EFNB1: variants seen among roughly 807,000 people sequenced by gnomAD.
EFNB1 encodes the protein ephrin-B1.
Under a neutral mutation model 18.1 loss-of-function variants are expected in EFNB1, and 1 was observed. That is an observed-to-expected ratio of 0.06 (90% CI 0.02 to 0.26). The LOEUF is 0.26. Among genes scored for constraint, EFNB1 ranks in the 10% least tolerant of loss-of-function variants. The pLI is 1.00. For synonymous variants in EFNB1, 131 were observed against 127.5 expected, an observed-to-expected ratio of 1.03 and a Z score of -0.19; for missense variants, 221 against 301.8, an observed-to-expected ratio of 0.73 and a Z score of 1.98.
intron 1 of EFNB1, among the ~76,000 whole-genome samples, chrX:68,832,436 T>G (rs935250686): frequency 1.8e-5 from 2 of 110,798 alleles, no homozygotes; most frequent in Non-Finnish European, 3.8e-5. Context: ...GTCTCTCTCC[T>G]CAGCCCTGTC....
intron 3 of EFNB1, 52 bp from the exon 4 acceptor site, chrX:68,839,908 C>T: frequency 8.3e-7 from 1 of 1,210,136 alleles, no homozygotes; most frequent in Admixed American, 2.2e-5. Context: ...TGACTGAGGG[C>T]ACCTATGCTG....
Position 68,840,488 on chromosome X carries a change from G to C in EFNB1, c.875G>C (p.Ser292Thr). 8.3e-7 allele frequency: 1 copy of C among 1,211,500 alleles called. No homozygotes were observed. The change falls in exon 5 of 5, where the codon AGT becomes ACT. Residue 292 changes from serine to threonine, a missense_variant. By Grantham distance (58) the Ser-to-Thr change is moderately conservative. Transcript: ENST00000204961. ...LSTLASPKGG[S>T]GTAGTEPSDI... Reference sequence around the variant, plus strand: ...ACCCTGGCCAGTCCCAAGGGGGGCAGTGGCACAGCGGGCACCGAGCCCAGC... The same window carrying C: ...ACCCTGGCCAGTCCCAAGGGGGGCACTGGCACAGCGGGCACCGAGCCCAGC...
At chrX:68,839,801 C>T (rs1395707771) in intron 3 of EFNB1, 45 bp downstream of exon 3, 1 of 1,186,721 alleles carries the variant, frequency 8.4e-7, no homozygotes, top group Admixed American at 2.3e-5. Context: ...CCTGTTTGAC[C>T]TTTGGAACAG....
In EFNB1 at chrX:68,840,352, G is replaced by A. The variant is rs1415919196; in HGVS notation, c.739G>A (p.Gly247Ser). The change falls in exon 5 of 5, where the codon GGT becomes AGT. Residue 247 changes from glycine to serine, a missense_variant. By Grantham distance (56) the Gly-to-Ser change is moderately conservative (BLOSUM62 0). Transcript: ENST00000204961. ...GGCATTGTTCGCGGCTGTCGGTGCC[G>A]GTTGCGTCATCTTCCTGCTCATCAT... ...KVALFAAVGAGCVIFLLIIIF... is the reference protein window; with the variant it reads ...KVALFAAVGASCVIFLLIIIF... The A allele has an allele frequency of 9.1e-6, 11 of 1,211,687 alleles. No homozygotes were observed. Among genetic ancestry groups the A allele is most frequent in the South Asian group, 1.8e-5 (1 of 56,952 alleles).
intron 1 of EFNB1, among the ~76,000 whole-genome samples, chrX:68,834,338 G>A (rs972443619): frequency 3.6e-5 from 4 of 112,471 alleles, no homozygotes; most frequent in Admixed American, 1.9e-4. Context: ...CATCGACATC[G>A]AGGAGGGGGG....
rs2080438525 is a variant in EFNB1, at chrX:68,829,636, CG to C, written c.-138del. 3.9e-6 allele frequency: 4 copies of C among 1,018,718 alleles called. No individual in the cohort carries two copies. Among genetic ancestry groups the C allele is most frequent in the Non-Finnish European group, 2.7e-6 (2 of 752,552 alleles). 84.0% of individuals were successfully genotyped at this position (1,018,718 alleles called of 1,213,427 possible). On this transcript the variant is annotated 5_prime_UTR_variant, in exon 1 of 5. Transcript: ENST00000204961. ...CGGAGAAGAGCGACACCGAAGCCGG[CG>C]GGAGGGGAGCACTTCAAGGCCGGCG...
At chrX:68,839,907 G>C (rs2080472243) in intron 3 of EFNB1, 53 bp from the exon 4 acceptor site, 2 of 1,208,458 alleles carry the variant, frequency 1.7e-6, no homozygotes, top group African/African-American at 3.5e-5. Context: ...ATGACTGAGG[G>C]CACCTATGCT....
intron 3 of EFNB1, 34 bp from the exon 4 acceptor site, chrX:68,839,926 C>T: frequency 8.3e-7 from 1 of 1,211,375 alleles, no homozygotes; most frequent in Non-Finnish European, 1.1e-6. Context: ...CTGGCCGGGT[C>T]CCTGCCTCTC....
intron 1 of EFNB1, among the ~76,000 whole-genome samples, chrX:68,838,131 A>ATGTGTGTGTG (rs1193927663): frequency 1.5e-3 from 82 of 55,537 alleles, no homozygotes; most frequent in East Asian, 0.012. Context: ...GTGTGTGTGT[A>ATGTGTGTGTG]TGTGTGTGTG....
At chrX:68,832,464 C>G (rs1169813658) in intron 1 of EFNB1, among the ~76,000 whole-genome samples, 2 of 111,213 alleles carry the variant, frequency 1.8e-5, no homozygotes, top group African/African-American at 6.6e-5. Flanking sequence ...GGCAACCCCC[C>G]TCCCAAAAAA....
Position 68,841,347 on chromosome X carries a change from T to TGCC in EFNB1, c.*694_*696dup, listed in dbSNP as rs2080478051. Reference sequence around the variant, plus strand: ...CTTATCCTGGCAATGGGGTAGTCACTGCCACCCTTCCACACACACACACAC... The same window carrying TGCC: ...CTTATCCTGGCAATGGGGTAGTCACTGCCGCCACCCTTCCACACACACACACAC... On this transcript the variant is annotated 3_prime_UTR_variant, in exon 5 of 5. Transcript: ENST00000204961. 1 of 93,270 alleles carries TGCC rather than the reference T, an allele frequency of 1.1e-5. No individual in the cohort carries two copies. The highest frequency in any genetic ancestry group is 2.1e-5 in the Non-Finnish European group (1 of 47,539). The allele number at this position is 93,270 out of a possible 1,213,427, so 7.7% of individuals were successfully genotyped here. A position where few individuals can be genotyped will look rare whatever the true frequency, so the allele number is the denominator to read the frequency against.
chrX:68,834,093 C>T (rs1338596489), intron 1 of EFNB1, among the ~76,000 whole-genome samples: 1 of 112,241 alleles, frequency 8.9e-6, no homozygotes, highest in Admixed American at 9.4e-5. Context: ...TCTTACCTCG[C>T]AGGTGTGCAA....
intron 1 of EFNB1, among the ~76,000 whole-genome samples, chrX:68,836,315 TG>T (rs2080460616): frequency 8.9e-6 from 1 of 112,024 alleles, no homozygotes; most frequent in Non-Finnish European, 1.9e-5. Flanking sequence ...TGGCTTTGTA[TG>T]GTGCATGGGA....
At chrX:68,838,131 ATGTGTGTGTGTGTGTG>A (rs1193927663) in intron 1 of EFNB1, among the ~76,000 whole-genome samples, 2 of 55,548 alleles carry the variant, frequency 3.6e-5, no homozygotes, top group Non-Finnish European at 3.2e-5. Flanking sequence ...GTGTGTGTGT[ATGTGTGTGTGTGTGTG>A]TGTGTGTGTG....
At chrX:68,839,536 G>A (rs2080470986) in intron 2 of EFNB1, 128 bp from the exon 3 acceptor site, 1 of 602,392 alleles carries the variant, frequency 1.7e-6, no homozygotes, top group Non-Finnish European at 2.8e-6. Flanking sequence ...TGGTAGATGG[G>A]AGCTGCTTGC....
Position 68,829,912 on chromosome X carries a change from A to G in EFNB1, c.128+8A>G. 1 of 1,168,077 alleles carries G rather than the reference A, an allele frequency of 8.6e-7. No individual in the cohort carries two copies. The highest frequency in any genetic ancestry group is 1.1e-6 in the Non-Finnish European group (1 of 873,050). On this transcript the variant is annotated splice_region_variant and intron_variant, in intron 1 of 4. Coordinates refer to ENST00000204961, the MANE Select transcript of EFNB1 (RefSeq NM_004429.5). The stretch of plus-strand genomic sequence containing the variant: ...GAGCTCCCTCAACCCCAAGTGAGTA[A>G]CTTATCTCCTCTGGACGCTGGGGTG...
rs770225645 is a variant in EFNB1, at chrX:68,838,879, G to A, written c.391G>A (p.Asp131Asn). 1.2e-5 allele frequency: 14 copies of A among 1,200,236 alleles called. No homozygotes were observed. Among genetic ancestry groups the A allele is most frequent in the Non-Finnish European group, 1.5e-5 (13 of 889,375 alleles). The change falls in exon 2 of 5, where the codon GAT (aspartate) becomes AAT (asparagine). Residue 131 changes from aspartate (D) to asparagine (N), a missense_variant. By Grantham distance (23) the Asp-to-Asn change is conservative (BLOSUM62 1). Transcript: ENST00000204961. The part of the protein sequence containing the change: ...YMGLEFKKHH[D>N]YYITSTSNGS... ...GGGCCTGGAGTTCAAGAAGCACCAT[G>A]ATTACTACATTACCTGTGAGTCCCG...
In EFNB1 at chrX:68,840,827, G is replaced by C; in HGVS notation, c.*173G>C. 1 of 554,252 alleles carries C rather than the reference G, an allele frequency of 1.8e-6. No individual in the cohort carries two copies. Among genetic ancestry groups the C allele is most frequent in the Non-Finnish European group, 2.9e-6 (1 of 342,387 alleles). 45.7% of individuals were successfully genotyped at this position (554,252 alleles called of 1,213,427 possible). A position where few individuals can be genotyped will look rare whatever the true frequency, so the allele number is the denominator to read the frequency against. ...TGCCCCCTGGGCTTCGGAGGGGGGTGCTTGTGCCCCTAACCCCCATGCTCT... is the reference window on the plus strand; with the variant it reads ...TGCCCCCTGGGCTTCGGAGGGGGGTCCTTGTGCCCCTAACCCCCATGCTCT... On this transcript the variant is annotated 3_prime_UTR_variant, in exon 5 of 5. Coordinates refer to ENST00000204961, the MANE Select transcript of EFNB1 (RefSeq NM_004429.5).
intron 1 of EFNB1, among the ~76,000 whole-genome samples, chrX:68,838,162 TGTGTGTGTGTGCGC>T (rs757959555): frequency 2.2e-4 from 13 of 59,576 alleles, no homozygotes; most frequent in African/African-American, 1.0e-3. Flanking sequence ...TGTGTGTGTG[TGTGTGTGTGTGCGC>T]GCGCGCGCGC....
Sources: allele counts gnomAD v4.1 joint callset (sites outside exome capture counted in the v4.1 genomes callset), GRCh38; gene constraint gnomAD v4.1.1; transcripts MANE v1.5; gene names NCBI Gene and HGNC (gene_info 2026-07-23, HGNC 2026-07-21).